RUNDC3B: variants seen among roughly 807,000 people sequenced by gnomAD.
The protein encoded by RUNDC3B is RUN domain-containing protein 3B.
Under a neutral mutation model 58.4 loss-of-function variants are expected in RUNDC3B, and 33 were observed. The ratio of observed to expected loss-of-function variants is 0.56; its 90% confidence interval spans 0.43 to 0.75. The LOEUF (loss-of-function observed/expected upper bound fraction) is 0.75. RUNDC3B is among the 30% of genes least tolerant of loss of function. The pLI, the probability that RUNDC3B is intolerant of heterozygous loss-of-function variation, is 0.00. For missense variants in RUNDC3B, 501 were observed against 535.7 expected (o/e 0.94, Z 0.64); for synonymous variants, 193 against 195.2 (o/e 0.99, Z 0.10).
intron 6 of RUNDC3B, among the ~76,000 whole-genome samples, chr7:87,760,197 A>C (rs1292293595): frequency 6.6e-6 from 1 of 152,090 alleles, no homozygotes; most frequent in Non-Finnish European, 1.5e-5. Flanking sequence ...CCAATACAGT[A>C]GCCATTAGCC....
At chr7:87,758,202 G>C (rs1833478395) in intron 6 of RUNDC3B, among the ~76,000 whole-genome samples, 1 of 152,122 alleles carries the variant, frequency 6.6e-6, no homozygotes, top group Admixed American at 6.6e-5. Flanking sequence ...CACACCTGTA[G>C]TCCCAGCTAC....
intron 9 of RUNDC3B, 26 bp downstream of exon 9, chr7:87,807,545 CTAAT>C (rs1563222665): frequency 6.4e-7 from 1 of 1,574,544 alleles, no homozygotes; most frequent in Non-Finnish European, 8.7e-7. Flanking sequence ...TTTTTTCCAA[CTAAT>C]TAATAGTTAG....
chr7:87,631,417 G>A (rs1563087187), intron 1 of RUNDC3B, among the ~76,000 whole-genome samples: 1 of 152,220 alleles, frequency 6.6e-6, no homozygotes, highest in East Asian at 1.9e-4. Context: ...TTGAGACGGA[G>A]TCTCGCTCTG....
At chr7:87,727,403 A>T (rs1009275480) in intron 4 of RUNDC3B, among the ~76,000 whole-genome samples, 7 of 152,166 alleles carry the variant, frequency 4.6e-5, no homozygotes, top group Non-Finnish European at 8.8e-5. Flanking sequence ...TATTTTTAAA[A>T]TTAGATACTT....
chr7:87,793,658 CTG>C (rs1054824953), intron 8 of RUNDC3B, among the ~76,000 whole-genome samples: 1 of 151,990 alleles, frequency 6.6e-6, no homozygotes, highest in Non-Finnish European at 1.5e-5. Flanking sequence ...ACTCAAAAAA[CTG>C]AGTTTTTTTT....
intron 4 of RUNDC3B, among the ~76,000 whole-genome samples, chr7:87,730,086 C>T (rs1329694926): frequency 6.6e-6 from 1 of 152,170 alleles, no homozygotes; most frequent in Non-Finnish European, 1.5e-5. Context: ...GGTACCCAGG[C>T]AGTTCTCACC....
chr7:87,648,042 G>A (rs891238076), intron 1 of RUNDC3B, among the ~76,000 whole-genome samples: 17 of 151,810 alleles, frequency 1.1e-4, no homozygotes, highest in Admixed American at 2.6e-4. Context: ...AAAATTAGCC[G>A]GGCTTGGTGG....
intron 8 of RUNDC3B, among the ~76,000 whole-genome samples, chr7:87,806,899 ATT>A (rs1338193451): frequency 6.6e-6 from 1 of 151,866 alleles, no homozygotes; most frequent in Non-Finnish European, 1.5e-5. Flanking sequence ...TTTATTTTAT[ATT>A]TTTTTGCAGT....
chr7:87,767,208 C>T (rs1834020648), intron 6 of RUNDC3B, among the ~76,000 whole-genome samples: 2 of 152,150 alleles, frequency 1.3e-5, no homozygotes, highest in Admixed American at 1.3e-4. Flanking sequence ...TTATAATCTA[C>T]ATTTTGAATT....
At chr7:87,668,864 T>G (rs1284151812) in intron 2 of RUNDC3B, among the ~76,000 whole-genome samples, 1 of 152,178 alleles carries the variant, frequency 6.6e-6, no homozygotes, top group Non-Finnish European at 1.5e-5. Context: ...TTTCAGTTCT[T>G]TTACATTTGT....
intron 4 of RUNDC3B, among the ~76,000 whole-genome samples, chr7:87,723,795 A>G (rs1831046570): frequency 6.6e-6 from 1 of 152,200 alleles, no homozygotes; most frequent in African/African-American, 2.4e-5. Flanking sequence ...ACACATAGTT[A>G]AGAGCTGAAA....
chr7:87,741,465 A>G (rs1271046525), intron 5 of RUNDC3B, 34 bp from the exon 6 acceptor site: 3 of 1,137,734 alleles, frequency 2.6e-6, no homozygotes, highest in Non-Finnish European at 3.7e-6. Context: ...AATTTTATAT[A>G]TTAATAGGAA....
At chr7:87,788,287 G>A (rs1371803652) in intron 8 of RUNDC3B, among the ~76,000 whole-genome samples, 1 of 152,194 alleles carries the variant, frequency 6.6e-6, no homozygotes, top group Non-Finnish European at 1.5e-5. Flanking sequence ...GTTGGGTGTG[G>A]TGCTGTGTGC....
chr7:87,683,480 A>G (rs1302992429), intron 2 of RUNDC3B, among the ~76,000 whole-genome samples: 1 of 152,160 alleles, frequency 6.6e-6, no homozygotes, highest in African/African-American at 2.4e-5. Flanking sequence ...CTTAGAGGCC[A>G]TTATAGGATT....
intron 4 of RUNDC3B, among the ~76,000 whole-genome samples, chr7:87,724,989 TAAA>T (rs1011215186): frequency 3.3e-5 from 5 of 152,130 alleles, no homozygotes; most frequent in Admixed American, 6.6e-5. Flanking sequence ...TTCATATCAA[TAAA>T]AAACAAAGGC....
At chr7:87,759,314 G>A (rs745803774) in intron 6 of RUNDC3B, among the ~76,000 whole-genome samples, 2 of 152,198 alleles carry the variant, frequency 1.3e-5, no homozygotes, top group Non-Finnish European at 2.9e-5. Context: ...TAGAATGATG[G>A]TTAGCACAGC....
chr7:87,765,037 G>C (rs7350017), intron 6 of RUNDC3B, among the ~76,000 whole-genome samples: 11,868 of 151,780 alleles, frequency 0.078, 489 homozygotes, highest in African/African-American at 0.1. Flanking sequence ...ATCTTGGGAA[G>C]TGTAGGTTTC....
chr7:87,727,093 T>C (rs897908710), intron 4 of RUNDC3B, among the ~76,000 whole-genome samples: 129 of 152,348 alleles, frequency 8.5e-4, no homozygotes, highest in African/African-American at 2.9e-3. Flanking sequence ...TTCATTTGCC[T>C]GATTGCCCTG....
At chr7:87,827,581 A>C (rs1193683911) in intron 10 of RUNDC3B, among the ~76,000 whole-genome samples, 1 of 152,186 alleles carries the variant, frequency 6.6e-6, no homozygotes, top group African/African-American at 2.4e-5. Flanking sequence ...AAGCATTACA[A>C]GGAAAGATAT....
Sources: allele counts gnomAD v4.1 joint callset (sites outside exome capture counted in the v4.1 genomes callset), GRCh38; gene constraint gnomAD v4.1.1; transcripts MANE v1.5; gene names NCBI Gene and HGNC (gene_info 2026-07-23, HGNC 2026-07-21).